USP34: variants seen among roughly 807,000 people sequenced by gnomAD.
The protein encoded by USP34 is ubiquitin specific peptidase 34, also known as ubiquitin carboxyl-terminal hydrolase 34.
Under a neutral mutation model 460.3 loss-of-function variants are expected in USP34, and 70 were observed. The ratio of observed to expected loss-of-function variants is 0.15; its 90% CI spans 0.13 to 0.19. USP34 has a LOEUF of 0.19. Among genes scored for constraint, USP34 ranks in the 10% least tolerant of loss-of-function variants. The pLI, the probability that USP34 is intolerant of heterozygous loss-of-function variation, is 1.00. For missense variants in USP34, 3,985 were observed against 4,236.2 expected (o/e 0.94, Z 1.65); for synonymous variants, 1,647 against 1,405.3 (o/e 1.17, Z -3.85).
At chr2:61,404,309 A>G (rs1211517986) in intron 3 of USP34, among the ~76,000 whole-genome samples, 1 of 152,186 alleles carries the variant, frequency 6.6e-6, no homozygotes, top group Non-Finnish European at 1.5e-5. Flanking sequence ...TCTAATGGCC[A>G]TAATTCTTCA....
chr2:61,391,153 G>A lies in USP34; in HGVS notation c.753+3700C>T, dbSNP rs1693333623. Among the ~76,000 whole-genome samples the A allele has an allele frequency of 2.6e-5, 4 of 151,116 alleles. No homozygotes were observed. The South Asian group carries it at 8.4e-4, about 32-fold the overall frequency. The stretch of plus-strand genomic sequence containing the variant: ...ACAAAGTTACCTTGCCTCAGTAAGA[G>A]TGAGGAAATCAGCCAGGTGCAATGG... On this transcript the variant is annotated intron_variant, in intron 5 of 79. Coordinates refer to ENST00000398571, the MANE Select transcript of USP34 (RefSeq NM_014709.4).
At chr2:61,450,943 G>A (rs983422961) in intron 1 of USP34, among the ~76,000 whole-genome samples, 4 of 150,482 alleles carry the variant, frequency 2.7e-5, no homozygotes, top group Non-Finnish European at 4.4e-5. Flanking sequence ...AACTTGGCCA[G>A]GCACGGTGGC....
At chr2:61,336,043 A>G (rs1052691143) in intron 18 of USP34, among the ~76,000 whole-genome samples, 3 of 152,192 alleles carry the variant, frequency 2.0e-5, no homozygotes, top group Non-Finnish European at 2.9e-5. Context: ...CAAAATAGTC[A>G]TTTAAAATTA....
chr2:61,192,800 T>C, intron 76 of USP34, 101 bp downstream of exon 76: 1 of 858,402 alleles, frequency 1.2e-6, no homozygotes. Context: ...TTCTAAAATG[T>C]CCCCACTTTT....
At chr2:61,315,275 C>G (rs1384198488) in intron 23 of USP34, among the ~76,000 whole-genome samples, 2 of 152,060 alleles carry the variant, frequency 1.3e-5, no homozygotes, top group Non-Finnish European at 2.9e-5. Flanking sequence ...ATAACGAGCA[C>G]AATGCTTCAA....
At chr2:61,321,151 C>G (rs1021938836) in intron 21 of USP34, among the ~76,000 whole-genome samples, 1 of 151,116 alleles carries the variant, frequency 6.6e-6, no homozygotes. Context: ...GCCTGGATGA[C>G]AGAGCGAGAC....
chr2:61,361,483 AT>A (rs1692274382), intron 10 of USP34, among the ~76,000 whole-genome samples: 1 of 152,184 alleles, frequency 6.6e-6, no homozygotes, highest in Non-Finnish European at 1.5e-5. Flanking sequence ...CATAGAACAA[AT>A]AAAAACCCCA....
chr2:61,415,612 C>G (rs765483641), intron 2 of USP34, among the ~76,000 whole-genome samples: 1 of 152,102 alleles, frequency 6.6e-6, no homozygotes, highest in Non-Finnish European at 1.5e-5. Flanking sequence ...AGGTTAATAT[C>G]AAAACCAACA....
At position 61,228,901 on chromosome 2, in the gene USP34, C is replaced by G. The variant is rs760155082; in HGVS notation, c.7294G>C (p.Val2432Leu). ...RTLLLIMEHG[V>L]KPHSKHLTEY... is the part of the protein sequence containing the mutation. ...GTAAGATGTTTACTGTGAGGTTTTA[C>G]ACCATGTTCCATAATTAATAACAGG... Residue 2432 changes from valine (V) to leucine (L), a missense_variant, in exon 60 of 80, where the codon GTA (valine) becomes CTA (leucine). By Grantham distance (32) the Val-to-Leu change is conservative (BLOSUM62 1). Coordinates refer to ENST00000398571, the MANE Select transcript of USP34 (RefSeq NM_014709.4). 6.2e-7 allele frequency: 1 copy of G among 1,609,666 alleles called. No individual in the cohort carries two copies. Among genetic ancestry groups the G allele is most frequent in the Non-Finnish European group, 8.5e-7 (1 of 1,178,212 alleles).
chr2:61,190,608 G>A lies in USP34; in HGVS notation c.9639C>T (p.Phe3213=), dbSNP rs534675195. Residue 3213 remains phenylalanine (F), a synonymous_variant, in exon 77 of 80, where the codon TTC becomes TTT. Transcript: ENST00000398571. ...TTAGGATACATTTAATATATTCTGC[G>A]AAAACAGGATCTTCACACAAAAGCT... The part of the protein sequence containing the change: ...CIKLLCEDPV[F]AEYIKCILMD... The A allele has an allele frequency of 4.5e-5, 72 of 1,613,924 alleles. No individual in the cohort carries two copies. Among genetic ancestry groups the A allele is most frequent in the Middle Eastern group, 3.3e-4 (2 of 6,058 alleles).
intron 8 of USP34, among the ~76,000 whole-genome samples, chr2:61,372,106 A>C (rs1340691872): frequency 6.6e-6 from 1 of 152,138 alleles, no homozygotes; most frequent in Non-Finnish European, 1.5e-5. Flanking sequence ...AAAGGTCCCC[A>C]ATTTTTTCAA....
intron 7 of USP34, among the ~76,000 whole-genome samples, chr2:61,378,928 A>AAAAAAAAAAAAAAAT (rs1692884114): frequency 6.7e-6 from 1 of 149,100 alleles, no homozygotes; most frequent in Non-Finnish European, 1.5e-5. Flanking sequence ...AAAAAAAAAA[A>AAAAAAAAAAAAAAAT]AAAAAAAAAC....
At chr2:61,362,622 G>GA (rs1692309310) in intron 10 of USP34, among the ~76,000 whole-genome samples, 1 of 152,168 alleles carries the variant, frequency 6.6e-6, no homozygotes, top group Admixed American at 6.5e-5. Flanking sequence ...CAAAGAAGCG[G>GA]AGAGTACAGG....
Position 61,188,380 on chromosome 2 carries a change from AGTGGAG to A in USP34, c.10357_10362del (p.Leu3453_His3454del). ...TCAGCTAGGGTAGAATCCTTGGAACAGTGGAGGTCTTTAAATTCTTTACAATCGTCA... is the reference window on the plus strand; with the variant it reads ...TCAGCTAGGGTAGAATCCTTGGAACAGTCTTTAAATTCTTTACAATCGTCA... On this transcript the variant is annotated inframe_deletion, in exon 80 of 80. Transcript: ENST00000398571. 1 of 1,614,054 alleles carries A rather than the reference AGTGGAG, an allele frequency of 6.2e-7. No homozygotes were observed. Among genetic ancestry groups the A allele is most frequent in the South Asian group, 1.1e-5 (1 of 91,082 alleles).
At chr2:61,322,047 G>T (rs750038317) in intron 21 of USP34, among the ~76,000 whole-genome samples, 92 of 152,238 alleles carry the variant, frequency 6.0e-4, no homozygotes, top group Non-Finnish European at 1.1e-3. Context: ...TGACCAACAT[G>T]AAGAAACCCC....
At chr2:61,378,266 T>C (rs989179790) in intron 8 of USP34, 97 bp downstream of exon 8, 4 of 882,768 alleles carry the variant, frequency 4.5e-6, no homozygotes, top group Non-Finnish European at 7.0e-6. Context: ...GCAAAGAATT[T>C]CTAGTAAAAA....
At chr2:61,453,029 T>TA (rs932674977) in intron 1 of USP34, among the ~76,000 whole-genome samples, 32 of 151,540 alleles carry the variant, frequency 2.1e-4, no homozygotes, top group South Asian at 4.2e-4. Flanking sequence ...CTAATATTTT[T>TA]AAAAAAAAAG....
chr2:61,239,898 C>G (rs1296746230), intron 53 of USP34, among the ~76,000 whole-genome samples: 2 of 151,304 alleles, frequency 1.3e-5, no homozygotes, highest in East Asian at 1.9e-4. Flanking sequence ...GTAGTCCCAG[C>G]TACTAGGGAG....
chr2:61,434,770 G>GGC (rs1307590997), intron 1 of USP34, among the ~76,000 whole-genome samples: 1 of 150,486 alleles, frequency 6.6e-6, no homozygotes, highest in Admixed American at 6.6e-5. Context: ...AAATTGAAAG[G>GGC]GGGGGGGTTC....
Sources: allele counts gnomAD v4.1 joint callset (sites outside exome capture counted in the v4.1 genomes callset), GRCh38; gene constraint gnomAD v4.1.1; transcripts MANE v1.5; gene names NCBI Gene and HGNC (gene_info 2026-07-23, HGNC 2026-07-21).